Variants in DSCAM observed in about 807,000 individuals in gnomAD.
The protein encoded by DSCAM is DS cell adhesion molecule, also known as cell adhesion molecule DSCAM.
A neutral mutation model predicts 217.7 loss-of-function variants in DSCAM; 47 were observed. The observed-to-expected ratio is 0.22, with a 90% CI of 0.17 to 0.28. The LOEUF is 0.28. Ranked by LOEUF, DSCAM falls within the 10% of genes least tolerant of loss-of-function variation. The pLI, the probability that DSCAM is intolerant of heterozygous loss-of-function variation, is 1.00. For missense variants in DSCAM, 2,080 were observed against 2,618.3 expected (o/e 0.79, Z 4.49); for synonymous variants, 1,056 against 1,015.3 (o/e 1.04, Z -0.76).
At chr21:40,581,016 T>C (rs1244588177) in intron 3 of DSCAM, among the ~76,000 whole-genome samples, 1 of 152,118 alleles carries the variant, frequency 6.6e-6, no homozygotes, top group Non-Finnish European at 1.5e-5. Context: ...CAACAAGGAA[T>C]TGAAAATGAA....
intron 10 of DSCAM, among the ~76,000 whole-genome samples, chr21:40,295,302 T>G (rs1047370276): frequency 6.6e-6 from 1 of 152,132 alleles, no homozygotes; most frequent in Non-Finnish European, 1.5e-5. Context: ...ACTTCCAATA[T>G]GTTTGCAAGT....
chr21:40,493,358 T>G (rs1444110051), intron 3 of DSCAM, among the ~76,000 whole-genome samples: 6 of 152,076 alleles, frequency 3.9e-5, no homozygotes, highest in Admixed American at 1.3e-4. Flanking sequence ...GAAAGAACAT[T>G]AATAAACAAC....
intron 3 of DSCAM, among the ~76,000 whole-genome samples, chr21:40,388,367 T>A (rs73357181): frequency 2.2e-3 from 331 of 152,212 alleles, no homozygotes; most frequent in African/African-American, 7.5e-3. Flanking sequence ...GCATTTCAGA[T>A]GGGAGGGAGA....
At chr21:40,751,995 C>T (rs2091233965) in intron 1 of DSCAM, among the ~76,000 whole-genome samples, 1 of 152,134 alleles carries the variant, frequency 6.6e-6, no homozygotes, top group African/African-American at 2.4e-5. Context: ...GCAGCAAATT[C>T]ACACTATTCA....
chr21:40,788,264 C>T (rs2091610507), intron 1 of DSCAM, among the ~76,000 whole-genome samples: 1 of 152,222 alleles, frequency 6.6e-6, no homozygotes, highest in Non-Finnish European at 1.5e-5. Context: ...TTCATCAGCA[C>T]ACATTTCTTC....
At chr21:40,200,280 A>C (rs7278621) in intron 11 of DSCAM, among the ~76,000 whole-genome samples, 79,899 of 151,932 alleles carry the variant, frequency 0.53, 22,801 homozygotes, top group African/African-American at 0.76. Context: ...AAACTTGGCA[A>C]CTCTTAAACA....
intron 3 of DSCAM, among the ~76,000 whole-genome samples, chr21:40,598,497 G>GTTTTTTTT (rs71186947): frequency 3.7e-4 from 25 of 66,814 alleles, no homozygotes; most frequent in South Asian, 7.5e-4. Context: ...CTGCCAAACT[G>GTTTTTTTT]TTTTTTTTTT....
intron 3 of DSCAM, among the ~76,000 whole-genome samples, chr21:40,580,879 T>C (rs900247642): frequency 3.9e-5 from 6 of 152,308 alleles, no homozygotes; most frequent in Admixed American, 3.3e-4. Flanking sequence ...AAGAAGTGTA[T>C]AGGTTTAAAT....
At chr21:40,795,316 A>G (rs1003711026) in intron 1 of DSCAM, among the ~76,000 whole-genome samples, 3 of 152,008 alleles carry the variant, frequency 2.0e-5, no homozygotes, top group Non-Finnish European at 4.4e-5. Context: ...CAAGTGCCCA[A>G]TGGCAGAGGC....
At chr21:40,324,219 C>T (rs2074294248) in intron 8 of DSCAM, among the ~76,000 whole-genome samples, 1 of 148,252 alleles carries the variant, frequency 6.7e-6, no homozygotes, top group Non-Finnish European at 1.5e-5. Flanking sequence ...TCAAGTAAGT[C>T]CATGGGAGGA....
chr21:40,550,556 A>G (rs897891975), intron 3 of DSCAM, among the ~76,000 whole-genome samples: 3 of 152,184 alleles, frequency 2.0e-5, no homozygotes, highest in African/African-American at 7.2e-5. Context: ...CAAAATTGCC[A>G]CCAAGTGTCT....
At chr21:40,540,057 T>C (rs1242148641) in intron 3 of DSCAM, among the ~76,000 whole-genome samples, 1 of 152,190 alleles carries the variant, frequency 6.6e-6, no homozygotes, top group Non-Finnish European at 1.5e-5. Flanking sequence ...GGGTGCTTTA[T>C]TTTCACGTAT....
chr21:40,319,953 A>G (rs112940517), intron 8 of DSCAM, among the ~76,000 whole-genome samples: 5,734 of 152,312 alleles, frequency 0.038, 263 homozygotes, highest in East Asian at 0.24. Context: ...GCAGGAACAG[A>G]AAACCAAACA....
chr21:40,654,610 T>G (rs1199780073), intron 3 of DSCAM, among the ~76,000 whole-genome samples: 1 of 152,118 alleles, frequency 6.6e-6, no homozygotes, highest in Non-Finnish European at 1.5e-5. Flanking sequence ...AGAAAGTGTG[T>G]TTTGTGTTTT....
intron 32 of DSCAM, among the ~76,000 whole-genome samples, chr21:40,041,659 T>G (rs572492939): frequency 1.3e-5 from 2 of 152,252 alleles, no homozygotes; most frequent in Admixed American, 6.5e-5. Flanking sequence ...AATTTGCAGC[T>G]TTCACAACCC....
At chr21:40,302,913 TATA>T (rs926234370) in intron 9 of DSCAM, among the ~76,000 whole-genome samples, 1 of 152,196 alleles carries the variant, frequency 6.6e-6, no homozygotes, top group African/African-American at 2.4e-5. Context: ...ATACTATGGT[TATA>T]ATAAGACAGG....
At position 40,394,964 on chromosome 21, in the gene DSCAM, A is replaced by C. The variant is rs138401020; in HGVS notation, c.509-25719T>G. Among the ~76,000 whole-genome samples, 431 of 152,352 alleles carry C rather than the reference A, an allele frequency of 2.8e-3. 1 individual carries two copies. The highest frequency in any genetic ancestry group is 0.01 in the African/African-American group (420 of 41,582). Reference sequence around the variant, plus strand: ...ATTTCCCAAGGGAACTCTAAGGAAAATTTATAAGGAAGTAAAGGTAGAATT... The same window carrying C: ...ATTTCCCAAGGGAACTCTAAGGAAACTTTATAAGGAAGTAAAGGTAGAATT... On this transcript the variant is annotated intron_variant, in intron 3 of 32. Transcript: ENST00000400454.
chr21:40,631,270 T>C (rs535855988), intron 3 of DSCAM, among the ~76,000 whole-genome samples: 3 of 152,294 alleles, frequency 2.0e-5, no homozygotes, highest in South Asian at 4.1e-4. Context: ...TCTTGTTCCT[T>C]ATTTGACTCT....
intron 1 of DSCAM, among the ~76,000 whole-genome samples, chr21:40,738,113 A>ACC (rs1160032865): frequency 6.6e-6 from 1 of 152,028 alleles, no homozygotes; most frequent in Non-Finnish European, 1.5e-5. Flanking sequence ...TCTGTTATGT[A>ACC]CCCCCTCCCC....
Sources: allele counts gnomAD v4.1 joint callset (sites outside exome capture counted in the v4.1 genomes callset), GRCh38; gene constraint gnomAD v4.1.1; transcripts MANE v1.5; gene names NCBI Gene and HGNC (gene_info 2026-07-23, HGNC 2026-07-21).